The following TSHZ2 variants were observed in gnomAD, a reference collection of about 807,000 sequenced individuals.
TSHZ2 encodes the protein teashirt zinc finger homeobox 2.
Under a neutral mutation model 74.4 loss-of-function variants are expected in TSHZ2, and 21 were observed. The ratio of observed to expected loss-of-function variants is 0.28; its 90% CI spans 0.20 to 0.41. The LOEUF is 0.41. Ranked by LOEUF, TSHZ2 falls within the 10% of genes least tolerant of loss-of-function variation. The pLI is 1.00. For missense variants in TSHZ2, 1,244 were observed against 1,293.5 expected (o/e 0.96, Z 0.59); for synonymous variants, 540 against 515.3 (o/e 1.05, Z -0.65).
chr20:53,316,067 G>A (rs1345808479), intron 2 of TSHZ2, among the ~76,000 whole-genome samples: 1 of 152,200 alleles, frequency 6.6e-6, no homozygotes, highest in Non-Finnish European at 1.5e-5. Context: ...CAGAAGCCAG[G>A]ATGAAGATGT....
At chr20:53,179,719 G>A (rs541523128) in intron 1 of TSHZ2, among the ~76,000 whole-genome samples, 2 of 152,262 alleles carry the variant, frequency 1.3e-5, no homozygotes, top group East Asian at 3.9e-4. Context: ...GACCAGCACT[G>A]CTTCCTGGAT....
intron 2 of TSHZ2, among the ~76,000 whole-genome samples, chr20:53,388,585 T>C (rs183361920): frequency 7.7e-4 from 117 of 151,832 alleles, no homozygotes; most frequent in African/African-American, 2.7e-3. Flanking sequence ...CTTTTCTTTT[T>C]TTTCTTTCTT....
chr20:53,122,244 C>T (rs540325567), intron 1 of TSHZ2, among the ~76,000 whole-genome samples: 7 of 149,418 alleles, frequency 4.7e-5, no homozygotes, highest in African/African-American at 9.9e-5. Flanking sequence ...GCCAAGATCA[C>T]GCCACTTCAC....
chr20:53,371,120 G>T (rs955956469), intron 2 of TSHZ2, among the ~76,000 whole-genome samples: 1 of 151,912 alleles, frequency 6.6e-6, no homozygotes, highest in Non-Finnish European at 1.5e-5. Context: ...TTGCTTTTCG[G>T]GCCTACCTCA....
At chr20:53,068,779 T>C (rs972591430) in intron 1 of TSHZ2, among the ~76,000 whole-genome samples, 1 of 152,146 alleles carries the variant, frequency 6.6e-6, no homozygotes, top group Non-Finnish European at 1.5e-5. Flanking sequence ...CTTTTAATCT[T>C]AAGAAAAATG....
At chr20:53,393,163 T>A (rs1018425366) in intron 2 of TSHZ2, among the ~76,000 whole-genome samples, 1 of 152,102 alleles carries the variant, frequency 6.6e-6, no homozygotes, top group Non-Finnish European at 1.5e-5. Flanking sequence ...CCTCCTCCTA[T>A]CCTCCACCCT....
At chr20:53,202,641 G>A (rs906792532) in intron 1 of TSHZ2, among the ~76,000 whole-genome samples, 6 of 152,250 alleles carry the variant, frequency 3.9e-5, no homozygotes, top group Non-Finnish European at 7.4e-5. Context: ...GCAAATCACC[G>A]TAGCATAGGC....
In TSHZ2 at chr20:53,127,072, A is replaced by G. The variant is rs140335534; in HGVS notation, c.41-126427A>G. Among the ~76,000 whole-genome samples, 315 of 152,320 alleles carry G rather than the reference A, an allele frequency of 2.1e-3. 2 individuals carry two copies. The highest frequency in any genetic ancestry group is 6.8e-3 in the African/African-American group (283 of 41,570). On this transcript the variant is annotated intron_variant, in intron 1 of 2. Transcript: ENST00000371497. The stretch of plus-strand genomic sequence containing the variant: ...AGAAAGAGGGAGGCAGGAAAGAGAG[A>G]AGAGAGAGCGAATGAATTAGCCAAC...
chr20:53,305,689 T>A (rs1978507429), intron 2 of TSHZ2, among the ~76,000 whole-genome samples: 2 of 152,092 alleles, frequency 1.3e-5, no homozygotes, highest in African/African-American at 4.8e-5. Flanking sequence ...TATAAAAATG[T>A]GTTTGGCTGG....
At chr20:53,101,984 A>G (rs528990635) in intron 1 of TSHZ2, among the ~76,000 whole-genome samples, 50 of 148,828 alleles carry the variant, frequency 3.4e-4, no homozygotes, top group Non-Finnish European at 6.6e-4. Context: ...CCCTATGAGG[A>G]CTTTTTTTTA....
intron 1 of TSHZ2, among the ~76,000 whole-genome samples, chr20:53,058,639 G>A (rs1479379094): frequency 2.0e-5 from 3 of 152,204 alleles, no homozygotes; most frequent in African/African-American, 7.2e-5. Flanking sequence ...AAGCACCATG[G>A]ACTAAAGCCC....
chr20:53,208,307 C>T (rs1989221577), intron 1 of TSHZ2, among the ~76,000 whole-genome samples: 1 of 152,188 alleles, frequency 6.6e-6, no homozygotes, highest in Admixed American at 6.5e-5. Context: ...CTGGCTGTTC[C>T]TCACCCTGGA....
At chr20:53,225,290 G>C (rs1200645044) in intron 1 of TSHZ2, among the ~76,000 whole-genome samples, 1 of 152,220 alleles carries the variant, frequency 6.6e-6, no homozygotes, top group African/African-American at 2.4e-5. Context: ...CATTCCATTA[G>C]GAAGCCAACC....
At chr20:53,279,632 A>G (rs1264037431) in intron 2 of TSHZ2, among the ~76,000 whole-genome samples, 1 of 152,228 alleles carries the variant, frequency 6.6e-6, no homozygotes, top group Admixed American at 6.5e-5. Context: ...TCTCATATCT[A>G]GCACTGTGCT....
intron 1 of TSHZ2, among the ~76,000 whole-genome samples, chr20:53,235,751 T>C (rs1311468779): frequency 1.3e-5 from 2 of 152,210 alleles, no homozygotes; most frequent in Non-Finnish European, 2.9e-5. Context: ...TATTTTAAGT[T>C]GGTTTGCCTG....
At chr20:53,236,572 C>T (rs1443141056) in intron 1 of TSHZ2, among the ~76,000 whole-genome samples, 1 of 152,204 alleles carries the variant, frequency 6.6e-6, no homozygotes, top group Admixed American at 6.5e-5. Flanking sequence ...TGAGAGGGCA[C>T]TGGGTCTGGG....
chr20:53,455,656 G>A lies in TSHZ2; in HGVS notation c.*9-31488G>A, dbSNP rs371081088. Among the ~76,000 whole-genome samples the A allele has an allele frequency of 1.3e-3, 202 of 152,088 alleles. 1 individual carries two copies. The highest frequency in any genetic ancestry group is 4.3e-3 in the African/African-American group (178 of 41,478). On this transcript the variant is annotated intron_variant, in intron 2 of 2. Transcript: ENST00000371497. ...TATACATGTGCCATGCTGGTGTGCTGCACCCACTAACTCGTCATCTAGCAT... is the reference window on the plus strand; with the variant it reads ...TATACATGTGCCATGCTGGTGTGCTACACCCACTAACTCGTCATCTAGCAT...
intron 2 of TSHZ2, among the ~76,000 whole-genome samples, chr20:53,413,073 G>A (rs1283851802): frequency 2.0e-5 from 3 of 152,196 alleles, no homozygotes; most frequent in Non-Finnish European, 2.9e-5. Context: ...AGGGGAGAGC[G>A]GAAGAGGGAC....
intron 1 of TSHZ2, among the ~76,000 whole-genome samples, chr20:53,132,302 T>A (rs568328864): frequency 6.7e-6 from 1 of 150,290 alleles, no homozygotes; most frequent in Admixed American, 6.7e-5. Flanking sequence ...TCATTATTCT[T>A]TCTGCCCCTA....
Sources: allele counts gnomAD v4.1 joint callset (sites outside exome capture counted in the v4.1 genomes callset), GRCh38; gene constraint gnomAD v4.1.1; transcripts MANE v1.5; gene names NCBI Gene and HGNC (gene_info 2026-07-23, HGNC 2026-07-21).